The following MPZL1 variants were observed in gnomAD, a reference collection of about 807,000 sequenced individuals.
MPZL1 encodes myelin protein zero like 1.
In MPZL1, 16 loss-of-function variants were observed where a neutral mutation model predicts 29.3. The ratio of observed to expected loss-of-function variants is 0.55; its 90% CI spans 0.37 to 0.83. The LOEUF (loss-of-function observed/expected upper bound fraction) is 0.83, where lower values mean the gene tolerates loss of function less well. Ranked by LOEUF, MPZL1 falls within the 40% of genes least tolerant of loss-of-function variation. MPZL1 has a pLI of 0.00. For missense variants in MPZL1, 279 were observed against 332.9 expected (o/e 0.84, Z 1.26); for synonymous variants, 143 against 132.0 (o/e 1.08, Z -0.57).
chr1:167,772,021 C>G (rs6684150), intron 2 of MPZL1, among the ~76,000 whole-genome samples: 61,980 of 151,604 alleles, frequency 0.41, 14,052 homozygotes, highest in African/African-American at 0.58. Context: ...CAGTCGGCAG[C>G]CCGAGGCAGG....
intron 1 of MPZL1, among the ~76,000 whole-genome samples, chr1:167,742,561 G>T (rs919986647): frequency 6.6e-6 from 1 of 152,140 alleles, no homozygotes; most frequent in Non-Finnish European, 1.5e-5. Context: ...GGAATGGATT[G>T]TGAAGATTTT....
In MPZL1 at chr1:167,775,995, A is replaced by G. The variant is rs751729832; in HGVS notation, c.606-69A>G. The stretch of plus-strand genomic sequence containing the variant: ...TCATCTTGCCGTCAGTTGCATTTCT[A>G]TATTTTTGTTTCTATTTATTTATTA... On this transcript the variant is annotated intron_variant, in intron 4 of 5. Coordinates refer to ENST00000359523, the MANE Select transcript of MPZL1 (RefSeq NM_003953.6). 4.3e-4 allele frequency: 463 copies of G among 1,084,456 alleles called. 2 individuals carry two copies. Among genetic ancestry groups the G allele is most frequent in the Non-Finnish European group, 5.5e-4 (431 of 778,836 alleles). 67.2% of individuals were successfully genotyped at this position (1,084,456 alleles called of 1,614,324 possible). A position where few individuals can be genotyped will look rare whatever the true frequency, so the allele number is the denominator to read the frequency against.
chr1:167,748,204 A>G (rs549506691), intron 1 of MPZL1, among the ~76,000 whole-genome samples: 7 of 152,282 alleles, frequency 4.6e-5, no homozygotes, highest in Admixed American at 3.9e-4. Flanking sequence ...GTGTTTAACC[A>G]TTTGAGGACC....
chr1:167,758,108 C>T (rs768428983), intron 1 of MPZL1, among the ~76,000 whole-genome samples: 1 of 151,306 alleles, frequency 6.6e-6, no homozygotes, highest in East Asian at 1.9e-4. Flanking sequence ...GAGTTGAGAT[C>T]GCTCCACTGC....
At chr1:167,733,690 G>A (rs545596604) in intron 1 of MPZL1, among the ~76,000 whole-genome samples, 1 of 151,934 alleles carries the variant, frequency 6.6e-6, no homozygotes, top group South Asian at 2.1e-4. Flanking sequence ...GTTGCAGTGA[G>A]CTGAGATTGT....
chr1:167,777,307 A>G (rs915343195), intron 5 of MPZL1, among the ~76,000 whole-genome samples: 4 of 152,224 alleles, frequency 2.6e-5, no homozygotes, highest in Non-Finnish European at 4.4e-5. Flanking sequence ...CTGAAAACAA[A>G]CCAGAAAAAA....
intron 5 of MPZL1, among the ~76,000 whole-genome samples, chr1:167,782,899 A>G (rs1661523813): frequency 6.6e-6 from 1 of 152,230 alleles, no homozygotes; most frequent in African/African-American, 2.4e-5. Context: ...ATTCTCTCCT[A>G]GAACCTGTGG....
In MPZL1 at chr1:167,787,973, C is replaced by G. The variant is rs781494254; in HGVS notation, c.*52C>G. 2.7e-6 allele frequency: 4 copies of G among 1,482,136 alleles called. No individual in the cohort carries two copies. In the African/African-American group the frequency reaches 4.2e-5, roughly 15 times the overall value. The allele number at this position is 1,482,136 out of a possible 1,614,324, so 91.8% of individuals were successfully genotyped here. On this transcript the variant is annotated 3_prime_UTR_variant, in exon 6 of 6. Coordinates refer to ENST00000359523, the MANE Select transcript of MPZL1 (RefSeq NM_003953.6). ...AAGAAACAAAACCAAACTGGACTCT[C>G]GTGCAGAAAATGTAGCCCATTACCA... is the stretch of plus-strand genomic sequence containing the variant.
At position 167,776,305 on chromosome 1, in the gene MPZL1, G is replaced by A. The variant is rs115937551; in HGVS notation, c.708+139G>A. 1.6e-3 allele frequency: 864 copies of A among 528,698 alleles called. 11 individuals carry two copies. Among genetic ancestry groups the A allele is most frequent in the African/African-American group, 0.015 (785 of 50,696 alleles). 32.8% of individuals were successfully genotyped at this position (528,698 alleles called of 1,614,324 possible). ...ACAGACAGAGACAAAGAGAGAGTGG[G>A]AGTGAGGAATTAAAGGGCTGGCCTA... is the stretch of plus-strand genomic sequence containing the variant. On this transcript the variant is annotated intron_variant, in intron 5 of 5. Coordinates refer to ENST00000359523, the MANE Select transcript of MPZL1 (RefSeq NM_003953.6).
chr1:167,765,532 G>A (rs1479214778), intron 1 of MPZL1, 51 bp from the exon 2 acceptor site: 2 of 1,491,670 alleles, frequency 1.3e-6, no homozygotes, highest in Admixed American at 2.0e-5. Context: ...AATGCACAGT[G>A]GTATTCATGT....
At chr1:167,741,074 T>C (rs1467595335) in intron 1 of MPZL1, among the ~76,000 whole-genome samples, 1 of 152,204 alleles carries the variant, frequency 6.6e-6, no homozygotes, top group African/African-American at 2.4e-5. Flanking sequence ...TCAAGTGCAG[T>C]AGTGTAATCA....
At chr1:167,755,049 G>T (rs185305358) in intron 1 of MPZL1, among the ~76,000 whole-genome samples, 1 of 152,132 alleles carries the variant, frequency 6.6e-6, no homozygotes, top group African/African-American at 2.4e-5. Context: ...TTATATTTAC[G>T]TTAGGGTTCC....
At chr1:167,736,012 T>C (rs1002132982) in intron 1 of MPZL1, among the ~76,000 whole-genome samples, 4 of 152,230 alleles carry the variant, frequency 2.6e-5, no homozygotes, top group Admixed American at 6.5e-5. Flanking sequence ...ATTTGACACT[T>C]TGATAAAGGC....
intron 1 of MPZL1, among the ~76,000 whole-genome samples, chr1:167,759,801 C>T (rs1660943523): frequency 6.6e-6 from 1 of 152,124 alleles, no homozygotes; most frequent in Non-Finnish European, 1.5e-5. Flanking sequence ...CATTCTCTAT[C>T]TGGGGTACAC....
At chr1:167,750,086 T>C (rs1660724798) in intron 1 of MPZL1, among the ~76,000 whole-genome samples, 1 of 152,250 alleles carries the variant, frequency 6.6e-6, no homozygotes, top group Non-Finnish European at 1.5e-5. Flanking sequence ...GTTCTTTCTT[T>C]TGCAGTTTTA....
chr1:167,774,271 G>C (rs75156882), intron 4 of MPZL1, among the ~76,000 whole-genome samples: 5,423 of 152,272 alleles, frequency 0.036, 142 homozygotes, highest in Middle Eastern at 0.1. Flanking sequence ...GGGAGCAGAG[G>C]CTGGATTCAA....
At position 167,739,288 on chromosome 1, in the gene MPZL1, T is replaced by TATATATATATAC. The variant is rs1300358318; in HGVS notation, c.91+17057_91+17058insCATATATATATA. On this transcript the variant is annotated intron_variant, in intron 1 of 5. Coordinates refer to ENST00000359523, the MANE Select transcript of MPZL1 (RefSeq NM_003953.6). ...ATACATATATACATATATACATATA[T>TATATATATATAC]ATATATATATATATATATATACACA... is the stretch of plus-strand genomic sequence containing the variant. 2.8e-3 allele frequency among the ~76,000 whole-genome samples: 305 copies of TATATATATATAC among 108,106 alleles called. 4 individuals carry two copies. The highest frequency in any genetic ancestry group is 0.018 in the African/African-American group (294 of 16,630). The allele number at this position is 108,106 out of a possible 152,430, so 70.9% of individuals were successfully genotyped here.
Position 167,776,172 on chromosome 1 carries a change from G to A in MPZL1, c.708+6G>A. 1 of 1,603,406 alleles carries A rather than the reference G, an allele frequency of 6.2e-7. No homozygotes were observed. The highest frequency in any genetic ancestry group is 8.5e-7 in the Non-Finnish European group (1 of 1,171,252). On this transcript the variant is annotated splice_donor_region_variant and intron_variant, in intron 5 of 5. Transcript: ENST00000359523. Reference sequence around the variant, plus strand: ...TGCCTTCTGGATCTCACCAGGTAATGGCTGATTGCGATTCTGCCCACTGCA... The same window carrying A: ...TGCCTTCTGGATCTCACCAGGTAATAGCTGATTGCGATTCTGCCCACTGCA...
At chr1:167,773,558 G>C in intron 4 of MPZL1, 190 bp downstream of exon 4, 1 of 582,942 alleles carries the variant, frequency 1.7e-6, no homozygotes, top group Non-Finnish European at 2.8e-6. Flanking sequence ...TATTAAATGT[G>C]GAATATGATT....
Sources: gnomAD v4.1 joint callset for allele counts (sites outside exome capture counted in the v4.1 genomes callset) on GRCh38, gnomAD v4.1.1 for gene constraint, MANE v1.5 for transcripts, NCBI Gene and HGNC (gene_info 2026-07-23, HGNC 2026-07-21) for gene names.